The following BMPR1B variants were observed in gnomAD, a reference collection of about 807,000 sequenced individuals.
The protein encoded by BMPR1B is bone morphogenetic protein receptor type 1B, also known as bone morphogenetic protein receptor type-1B.
Under a neutral mutation model 59.1 loss-of-function variants are expected in BMPR1B, and 12 were observed. The observed-to-expected ratio is 0.20, with a 90% confidence interval of 0.13 to 0.33. The LOEUF is 0.33. Ranked by LOEUF, BMPR1B falls within the 10% of genes least tolerant of loss-of-function variation. BMPR1B has a pLI of 1.00. For synonymous variants in BMPR1B, 237 were observed against 207.3 expected (o/e 1.14, Z -1.23); for missense variants, 550 against 610.9 (o/e 0.90, Z 1.05).
rs34635740 is a variant in BMPR1B at position 94,981,005 on chromosome 4, A to ACGCGCG, written c.-112-15034_-112-15033insGCGCGC. On this transcript the variant is annotated intron_variant, in intron 2 of 12. Transcript: ENST00000515059. ...GCAAGACTCCATCACACACACACACACACACACACACACACACAAAAAGTA... is the reference window on the plus strand; with the variant it reads ...GCAAGACTCCATCACACACACACACACGCGCGCACACACACACACACACAAAAAGTA... Among the ~76,000 whole-genome samples the ACGCGCG allele has an allele frequency of 2.0e-3, 242 of 122,782 alleles. 2 individuals are homozygous for ACGCGCG. In the East Asian group the frequency reaches 0.021, roughly 11 times the overall value. 80.5% of individuals were successfully genotyped at this position (122,782 alleles called of 152,430 possible). A position where few individuals can be genotyped will look rare whatever the true frequency, so the allele number is the denominator to read the frequency against.
At chr4:95,083,680 G>A (rs1366615863) in intron 3 of BMPR1B, among the ~76,000 whole-genome samples, 2 of 152,172 alleles carry the variant, frequency 1.3e-5, no homozygotes, top group Non-Finnish European at 2.9e-5. Context: ...ATTATACTAT[G>A]CATGCAGATG....
At chr4:94,977,082 T>C (rs1184374125) in intron 2 of BMPR1B, among the ~76,000 whole-genome samples, 1 of 152,196 alleles carries the variant, frequency 6.6e-6, no homozygotes, top group East Asian at 1.9e-4. Flanking sequence ...TTTGAGGGTG[T>C]CTTATGCATC....
At chr4:94,876,174 C>A (rs1460304421) in intron 2 of BMPR1B, among the ~76,000 whole-genome samples, 1 of 152,232 alleles carries the variant, frequency 6.6e-6, no homozygotes, top group African/African-American at 2.4e-5. Context: ...CACACTTAGT[C>A]TGTTCCTCAA....
At chr4:94,779,075 C>T (rs2457393) in intron 1 of BMPR1B, among the ~76,000 whole-genome samples, 24,940 of 151,948 alleles carry the variant, frequency 0.16, 2,476 homozygotes, top group East Asian at 0.3. Context: ...ATTTTTGTGC[C>T]TTGTTTAAAT....
At chr4:95,083,137 C>G (rs1729305046) in intron 3 of BMPR1B, among the ~76,000 whole-genome samples, 1 of 149,012 alleles carries the variant, frequency 6.7e-6, no homozygotes, top group South Asian at 2.1e-4. Flanking sequence ...GATAAGGTAA[C>G]TCAGGGCATG....
At chr4:95,113,850 A>G (rs1158159446) in intron 4 of BMPR1B, among the ~76,000 whole-genome samples, 3 of 152,136 alleles carry the variant, frequency 2.0e-5, no homozygotes, top group Admixed American at 2.0e-4. Flanking sequence ...ACACTTTTAT[A>G]ATTTTAATTT....
At chr4:94,855,742 G>T (rs1374923583) in intron 1 of BMPR1B, among the ~76,000 whole-genome samples, 1 of 152,024 alleles carries the variant, frequency 6.6e-6, no homozygotes, top group Non-Finnish European at 1.5e-5. Context: ...AGTCTCCTGT[G>T]TATTATTCTT....
chr4:95,067,521 AT>A (rs1727923528), intron 3 of BMPR1B, among the ~76,000 whole-genome samples: 1 of 152,230 alleles, frequency 6.6e-6, no homozygotes, highest in Admixed American at 6.5e-5. Context: ...CAAAATGAAA[AT>A]GGAATGAAGC....
At chr4:95,142,431 A>G (rs1734300103) in intron 10 of BMPR1B, among the ~76,000 whole-genome samples, 1 of 152,002 alleles carries the variant, frequency 6.6e-6, no homozygotes, top group Admixed American at 6.6e-5. Flanking sequence ...CCTCCTTCAC[A>G]TGTCTTCTCA....
At chr4:94,944,226 T>C (rs1348923471) in intron 2 of BMPR1B, among the ~76,000 whole-genome samples, 5 of 152,150 alleles carry the variant, frequency 3.3e-5, no homozygotes, top group Non-Finnish European at 7.3e-5. Context: ...CTCAAGTGTT[T>C]GGGATAAGGG....
At chr4:94,787,108 TAGG>T in intron 1 of BMPR1B, among the ~76,000 whole-genome samples, 1 of 152,330 alleles carries the variant, frequency 6.6e-6, no homozygotes, top group Non-Finnish European at 1.5e-5. Context: ...CCTTGATATG[TAGG>T]AGACCAGTTG....
At chr4:94,950,961 C>A (rs1160753000) in intron 2 of BMPR1B, among the ~76,000 whole-genome samples, 2 of 152,150 alleles carry the variant, frequency 1.3e-5, no homozygotes, top group Non-Finnish European at 2.9e-5. Flanking sequence ...TTTCCTTGAG[C>A]AGTGTTTTGT....
chr4:94,813,699 C>T (rs1723905190), intron 1 of BMPR1B, among the ~76,000 whole-genome samples: 1 of 152,002 alleles, frequency 6.6e-6, no homozygotes, highest in South Asian at 2.1e-4. Context: ...GCAGTGGTCC[C>T]AGGTTAGAGG....
intron 2 of BMPR1B, among the ~76,000 whole-genome samples, chr4:94,940,509 T>A (rs143484705): frequency 3.0e-3 from 450 of 152,214 alleles, no homozygotes; most frequent in African/African-American, 0.01. Context: ...GTTCTTAAAA[T>A]TTTTTTTGTG....
At chr4:94,765,849 C>T (rs1381524440) in intron 1 of BMPR1B, among the ~76,000 whole-genome samples, 3 of 152,098 alleles carry the variant, frequency 2.0e-5, no homozygotes, top group Non-Finnish European at 4.4e-5. Flanking sequence ...CAAGAGGGAT[C>T]TTATGGATGG....
intron 3 of BMPR1B, among the ~76,000 whole-genome samples, chr4:95,010,111 A>C (rs929230466): frequency 6.6e-6 from 1 of 152,186 alleles, no homozygotes; most frequent in Admixed American, 6.5e-5. Flanking sequence ...CTAATTGGCT[A>C]AATGCTGGTA....
intron 10 of BMPR1B, among the ~76,000 whole-genome samples, chr4:95,143,180 A>G (rs979548282): frequency 6.6e-6 from 1 of 152,204 alleles, no homozygotes; most frequent in Non-Finnish European, 1.5e-5. Flanking sequence ...CACACACGCC[A>G]TACCAGGCAG....
At chr4:94,926,649 T>C (rs1380916571) in intron 2 of BMPR1B, among the ~76,000 whole-genome samples, 5 of 152,124 alleles carry the variant, frequency 3.3e-5, no homozygotes, top group Non-Finnish European at 7.4e-5. Context: ...TACATTAGGT[T>C]GCATTTTTTA....
intron 1 of BMPR1B, among the ~76,000 whole-genome samples, chr4:94,778,574 C>T (rs1395918952): frequency 6.6e-6 from 1 of 152,140 alleles, no homozygotes; most frequent in Non-Finnish European, 1.5e-5. Context: ...TAACAAGATG[C>T]TCTTTTTTAA....
Sources: allele counts gnomAD v4.1 joint callset (sites outside exome capture counted in the v4.1 genomes callset), GRCh38; gene constraint gnomAD v4.1.1; transcripts MANE v1.5; gene names NCBI Gene and HGNC (gene_info 2026-07-23, HGNC 2026-07-21).